The following DNER variants were observed in gnomAD, a reference collection of about 807,000 sequenced individuals.
The protein encoded by DNER is delta/notch like EGF repeat containing.
Under a neutral mutation model 78.2 loss-of-function variants are expected in DNER, and 33 were observed. The observed-to-expected ratio is 0.42, with a 90% CI of 0.32 to 0.56. The LOEUF (loss-of-function observed/expected upper bound fraction) is 0.56. Among genes scored for constraint, DNER ranks in the 20% least tolerant of loss-of-function variants. The pLI is 0.11. For missense variants in DNER, 918 were observed against 975.3 expected, an observed-to-expected ratio of 0.94 and a Z score of 0.78; for synonymous variants, 417 against 384.8, an observed-to-expected ratio of 1.08 and a Z score of -0.98.
intron 10 of DNER, among the ~76,000 whole-genome samples, chr2:229,390,817 C>T (rs1004452186): frequency 2.6e-5 from 4 of 152,214 alleles, no homozygotes; most frequent in African/African-American, 9.7e-5. Flanking sequence ...TGGAGTGATG[C>T]ACAGTTCTCA....
At chr2:229,658,846 G>A (rs1300887541) in intron 1 of DNER, among the ~76,000 whole-genome samples, 1 of 152,102 alleles carries the variant, frequency 6.6e-6, no homozygotes, top group East Asian at 1.9e-4. Flanking sequence ...CTTAACTTTT[G>A]CAGTTGAAAT....
chr2:229,523,855 T>C (rs1289523598), intron 5 of DNER, among the ~76,000 whole-genome samples: 3 of 152,254 alleles, frequency 2.0e-5, no homozygotes, highest in Admixed American at 2.0e-4. Flanking sequence ...TGCAGATGCA[T>C]GAAACATAGC....
At chr2:229,644,503 C>T (rs762216873) in intron 1 of DNER, among the ~76,000 whole-genome samples, 14 of 152,036 alleles carry the variant, frequency 9.2e-5, no homozygotes, top group African/African-American at 1.7e-4. Flanking sequence ...CCTACCACCA[C>T]GCCAAGCTAA....
At chr2:229,516,509 A>G (rs144117114) in intron 5 of DNER, among the ~76,000 whole-genome samples, 64 of 152,356 alleles carry the variant, frequency 4.2e-4, no homozygotes, top group African/African-American at 1.3e-3. Context: ...GTATAAGTAC[A>G]CGGAAATGTA....
intron 11 of DNER, among the ~76,000 whole-genome samples, chr2:229,384,914 G>A (rs1217752997): frequency 6.6e-6 from 1 of 152,000 alleles, no homozygotes; most frequent in Non-Finnish European, 1.5e-5. Context: ...ATTTCATGAG[G>A]CCAGCATCAT....
chr2:229,476,268 C>T (rs1396678886), intron 7 of DNER, among the ~76,000 whole-genome samples: 1 of 152,188 alleles, frequency 6.6e-6, no homozygotes, highest in East Asian at 1.9e-4. Context: ...CTGCCGATCA[C>T]ATGGGCAGCT....
intron 4 of DNER, among the ~76,000 whole-genome samples, chr2:229,553,703 ATC>A (rs1420051018): frequency 6.6e-6 from 1 of 152,154 alleles, no homozygotes; most frequent in East Asian, 1.9e-4. Flanking sequence ...CCGTACTTCA[ATC>A]TCTATTGTGT....
chr2:229,694,893 A>C lies in DNER; in HGVS notation c.276+19255T>G, dbSNP rs562343077. ...ATGATTGTGTTTTGAATGTGAGGAC[A>C]TGAGATTTGGGAAGGGCTAGGGGTA... On this transcript the variant is annotated intron_variant, in intron 1 of 12. Coordinates refer to ENST00000341772, the MANE Select transcript of DNER (RefSeq NM_139072.4). Among the ~76,000 whole-genome samples the C allele has an allele frequency of 1.3e-4, 20 of 152,232 alleles. No homozygotes were observed. In the East Asian group the frequency reaches 3.9e-3, roughly 29 times the overall value.
chr2:229,527,703 CA>C (rs577559635), intron 5 of DNER, among the ~76,000 whole-genome samples: 3 of 152,088 alleles, frequency 2.0e-5, no homozygotes, highest in Admixed American at 6.5e-5. Flanking sequence ...ATGTTTTGTT[CA>C]AAAGCAAAAA....
At chr2:229,374,443 A>G (rs1056953193) in intron 11 of DNER, among the ~76,000 whole-genome samples, 6 of 152,306 alleles carry the variant, frequency 3.9e-5, no homozygotes, top group African/African-American at 1.4e-4. Flanking sequence ...ACACCCAAGT[A>G]GTTATGTCTA....
rs1162604733 is a variant in DNER at position 229,385,486 on chromosome 2, G to T, written c.1855+2779C>A. On this transcript the variant is annotated intron_variant, in intron 11 of 12. Transcript: ENST00000341772. ...GTTCTGGCCAGGTCAATCAGGCAAGGGAAAGAAATAAAGGGTATTCAAATA... is the reference window on the plus strand; with the variant it reads ...GTTCTGGCCAGGTCAATCAGGCAAGTGAAAGAAATAAAGGGTATTCAAATA... Among the ~76,000 whole-genome samples, 3 of 152,018 alleles carry T rather than the reference G, an allele frequency of 2.0e-5. No homozygotes were observed. The South Asian group carries it at 6.2e-4, about 32-fold the overall frequency.
chr2:229,591,589 A>C lies in DNER; in HGVS notation c.576T>G (p.Asp192Glu). Residue 192 changes from aspartate to glutamate, a missense_variant, in exon 2 of 13, where the codon GAT (aspartate) becomes GAG (glutamate). Physicochemically the swap from Asp to Glu is conservative, Grantham distance 45. Coordinates refer to ENST00000341772, the MANE Select transcript of DNER (RefSeq NM_139072.4). This position sits in a 1 kb window ranked among gnomAD's most constrained non-coding sequence, Gnocchi z 4.6. ...TGQKVVEMKWDQVEVIPDIAC... is the reference protein window; with the variant it reads ...TGQKVVEMKWEQVEVIPDIAC... ...GATATAACGTTCTCACCTCCACTTG[A>C]TCCCATTTCATTTCTACAACTTTCT... 1 of 1,613,872 alleles carries C rather than the reference A, an allele frequency of 6.2e-7. No individual in the cohort carries two copies. The highest frequency in any genetic ancestry group is 1.1e-5 in the South Asian group (1 of 91,032).
chr2:229,462,376 A>T (rs1694721047), intron 7 of DNER, among the ~76,000 whole-genome samples: 1 of 152,086 alleles, frequency 6.6e-6, no homozygotes, highest in South Asian at 2.1e-4. Context: ...CAAAGAAATG[A>T]TGTGTATAGG....
At chr2:229,611,143 A>G (rs553115987) in intron 1 of DNER, among the ~76,000 whole-genome samples, 3 of 152,250 alleles carry the variant, frequency 2.0e-5, no homozygotes, top group Non-Finnish European at 4.4e-5. Flanking sequence ...CCCCACAGGC[A>G]CATAGTCCCA....
intron 8 of DNER, among the ~76,000 whole-genome samples, chr2:229,442,218 A>G (rs1293863360): frequency 6.6e-6 from 1 of 152,222 alleles, no homozygotes; most frequent in Admixed American, 6.5e-5. Context: ...CATGTTAAAT[A>G]TAAGAATGCC....
intron 11 of DNER, among the ~76,000 whole-genome samples, chr2:229,373,008 A>T (rs1291074528): frequency 6.6e-6 from 1 of 152,128 alleles, no homozygotes; most frequent in Non-Finnish European, 1.5e-5. Context: ...ATACATGTTA[A>T]ATTGGAGGTA....
chr2:229,711,497 C>T lies in DNER; in HGVS notation c.276+2651G>A, dbSNP rs150013762. Among the ~76,000 whole-genome samples the T allele has an allele frequency of 1.1e-4, 16 of 152,286 alleles. No individual in the cohort carries two copies. In the South Asian group the frequency reaches 2.3e-3, roughly 22 times the overall value. On this transcript the variant is annotated intron_variant, in intron 1 of 12. Coordinates refer to ENST00000341772, the MANE Select transcript of DNER (RefSeq NM_139072.4). ...GCATGTCCTAGACCCCATTGACTTA[C>T]GCAAACTCAATCAGCCAACCACAGA...
intron 11 of DNER, among the ~76,000 whole-genome samples, chr2:229,384,645 A>C (rs572382798): frequency 6.6e-6 from 1 of 152,324 alleles, no homozygotes; most frequent in African/African-American, 2.4e-5. Flanking sequence ...CTATGCAAAT[A>C]AACTAGAAAA....
intron 4 of DNER, among the ~76,000 whole-genome samples, chr2:229,567,187 CT>C: frequency 6.6e-6 from 1 of 152,350 alleles, no homozygotes; most frequent in Middle Eastern, 3.4e-3. Flanking sequence ...GTAAACCCTC[CT>C]CCACAAGGTT....
Sources: gnomAD v4.1 joint callset for allele counts (sites outside exome capture counted in the v4.1 genomes callset) on GRCh38, gnomAD v4.1.1 for gene constraint, Gnocchi (gnomAD v3.1) non-coding constraint, MANE v1.5 for transcripts, NCBI Gene and HGNC (gene_info 2026-07-23, HGNC 2026-07-21) for gene names.